Variants in STS observed in about 807,000 individuals in gnomAD.
STS encodes steryl-sulfatase.
In STS, 7 loss-of-function variants were observed where a neutral mutation model predicts 26.8. That is an observed-to-expected ratio of 0.26 (90% CI 0.15 to 0.49). The LOEUF (loss-of-function observed/expected upper bound fraction) is 0.49, where lower values mean the gene tolerates loss of function less well. Ranked by LOEUF, STS falls within the 20% of genes least tolerant of loss-of-function variation. The pLI is 0.98. For synonymous variants in STS, 199 were observed against 189.4 expected, an observed-to-expected ratio of 1.05 and a Z score of -0.42; for missense variants, 434 against 465.6, an observed-to-expected ratio of 0.93 and a Z score of 0.63.
chrX:7,345,998 C>T (rs1208991675), intron 10 of STS, among the ~76,000 whole-genome samples: 1 of 111,563 alleles, frequency 9.0e-6, no homozygotes, highest in Admixed American at 9.5e-5. Context: ...GAAATCACAA[C>T]GTCTCTTCTG....
rs373994313 is a variant in STS, at chrX:7,334,130, G to A, written c.1363+23G>A. 19 of 1,208,881 alleles carry A rather than the reference G, an allele frequency of 1.6e-5. No homozygotes were observed. In the African/African-American group the frequency reaches 1.6e-4, roughly 10 times the overall value. Reference sequence around the variant, plus strand: ...ACAGTGAGTAAACAGACCTTTCCACGCTCCTCATGCTCCGTGCAACCTATG... The same window carrying A: ...ACAGTGAGTAAACAGACCTTTCCACACTCCTCATGCTCCGTGCAACCTATG... On this transcript the variant is annotated intron_variant, in intron 10 of 10. Transcript: ENST00000674429.
At chrX:7,246,247 A>C (rs1922865123) in intron 2 of STS, among the ~76,000 whole-genome samples, 1 of 110,501 alleles carries the variant, frequency 9.0e-6, no homozygotes, top group East Asian at 2.9e-4. Flanking sequence ...TTAAGGAGTT[A>C]AGATTTGGGA....
At chrX:7,222,802 C>T (rs1860660293) in intron 2 of STS, among the ~76,000 whole-genome samples, 1 of 111,178 alleles carries the variant, frequency 9.0e-6, no homozygotes. Context: ...AATTTTGTTA[C>T]AGGGATATAT....
chrX:7,238,646 T>C (rs1922443280), intron 2 of STS, among the ~76,000 whole-genome samples: 1 of 110,785 alleles, frequency 9.0e-6, no homozygotes, highest in Non-Finnish European at 1.9e-5. Flanking sequence ...CTGGACTACA[T>C]AGCGAGAACC....
In STS at chrX:7,190,860, TC is replaced by T; in HGVS notation, c.-133-19del. The T allele has an allele frequency of 2.5e-5, 5 of 196,328 alleles. No individual in the cohort carries two copies. The highest frequency in any genetic ancestry group is 3.9e-5 in the Non-Finnish European group (5 of 129,194). 16.2% of individuals were successfully genotyped at this position (196,328 alleles called of 1,213,427 possible). On this transcript the variant is annotated intron_variant, in intron 1 of 10. Transcript: ENST00000674429. ...TGATTACCCAGCGTGTGATTATTCATCTTTTGAATGAATTCACAGGAAGAGC... is the reference window on the plus strand; with the variant it reads ...TGATTACCCAGCGTGTGATTATTCATTTTTGAATGAATTCACAGGAAGAGC...
chrX:7,350,209 G>A lies in STS; in HGVS notation c.1685G>A (p.Gly562Asp). ...PWLQLCCPST[G>D]LSCQCDREKQ... ...CTTCAGCTGTGCTGTCCTTCCACCG[G>A]CCTGTCTTGCCAGTGTGATAGAGAA... The change falls in exon 11 of 11, where the codon GGC becomes GAC. Residue 562 changes from glycine to aspartate, a missense_variant. Gly to Asp is a moderately conservative substitution (Grantham distance 94). Transcript: ENST00000674429. 5.0e-6 allele frequency: 6 copies of A among 1,211,382 alleles called. No homozygotes were observed. The highest frequency in any genetic ancestry group is 3.4e-6 in the Non-Finnish European group (3 of 895,261).
chrX:7,231,658 A>G (rs369815327), intron 2 of STS, among the ~76,000 whole-genome samples: 1 of 111,208 alleles, frequency 9.0e-6, no homozygotes, highest in Non-Finnish European at 1.9e-5. Context: ...ATTGCAAGTT[A>G]TCTCACTGCA....
intron 8 of STS, among the ~76,000 whole-genome samples, chrX:7,322,170 C>T (rs1189324017): frequency 8.9e-6 from 1 of 112,424 alleles, no homozygotes; most frequent in African/African-American, 3.2e-5. Flanking sequence ...AAGAATGGGG[C>T]CTTGCCTCCT....
In STS at chrX:7,148,085, T is replaced by A; in HGVS notation, c.-134+2T>A. On this transcript the variant is annotated splice_donor_variant, in intron 1 of 10. Transcript: ENST00000674429. LOFTEE classifies it low-confidence loss of function (5UTR_SPLICE). The stretch of plus-strand genomic sequence containing the variant: ...AAGTCCGTCCATGTCAAAGATGAGG[T>A]GGGTGACGGGCTGCGGGGGCGCCGC... The A allele has an allele frequency of 1.8e-6, 2 of 1,128,000 alleles. No homozygotes were observed. Among genetic ancestry groups the A allele is most frequent in the Non-Finnish European group, 2.3e-6 (2 of 852,159 alleles). The allele number at this position is 1,128,000 out of a possible 1,213,427, so 93.0% of individuals were successfully genotyped here. A position where few individuals can be genotyped will look rare whatever the true frequency, so the allele number is the denominator to read the frequency against.
At chrX:7,251,933 C>G (rs1009024850) in intron 2 of STS, among the ~76,000 whole-genome samples, 1 of 110,984 alleles carries the variant, frequency 9.0e-6, no homozygotes, top group Non-Finnish European at 1.9e-5. Context: ...TGCACTCTAA[C>G]CTGGGCAACA....
intron 2 of STS, among the ~76,000 whole-genome samples, chrX:7,229,163 T>TA (rs1325168351): frequency 1.8e-5 from 2 of 112,522 alleles, no homozygotes; most frequent in Non-Finnish European, 3.8e-5. Context: ...ACATTGATTA[T>TA]AAAAAATAGT....
At chrX:7,175,164 T>G (rs1933542867) in intron 1 of STS, among the ~76,000 whole-genome samples, 1 of 73,821 alleles carries the variant, frequency 1.4e-5, no homozygotes, top group Non-Finnish European at 2.4e-5. Context: ...CTTTTTCACA[T>G]AGAATCTGAG....
Position 7,281,604 on chromosome X carries a change from G to A in STS, c.943+5517G>A, listed in dbSNP as rs753184835. On this transcript the variant is annotated intron_variant, in intron 7 of 10. Transcript: ENST00000674429. ...GCAGCAAGGGCCATGCACCCAACTCGTCTTGAGGGATGGAGAATAAATTGG... is the reference window on the plus strand; with the variant it reads ...GCAGCAAGGGCCATGCACCCAACTCATCTTGAGGGATGGAGAATAAATTGG... 7.1e-5 allele frequency among the ~76,000 whole-genome samples: 8 copies of A among 111,984 alleles called. No individual in the cohort carries two copies. In the East Asian group the frequency reaches 8.4e-4, roughly 12 times the overall value.
chrX:7,238,121 GGTGTGTGTGTGT>G (rs55819541), intron 2 of STS, among the ~76,000 whole-genome samples: 11 of 88,522 alleles, frequency 1.2e-4, no homozygotes, highest in East Asian at 3.8e-4. Flanking sequence ...AGTATTCCAT[GGTGTGTGTGTGT>G]GTGTGTGTGT....
rs371806193 is a variant in STS at position 7,325,394 on chromosome X, G to T, written c.1137G>T (p.Trp379Cys). ...TCCGGGTTCCAGGCATCCTTCGTTGGCCCAGGGTGATACAGGCTGGCCAGA... is the reference window on the plus strand; with the variant it reads ...TCCGGGTTCCAGGCATCCTTCGTTGTCCCAGGGTGATACAGGCTGGCCAGA... ...GGIRVPGILR[W>C]PRVIQAGQKI... The change falls in exon 9 of 11, where the codon TGG (tryptophan) becomes TGT (cysteine). Residue 379 changes from tryptophan to cysteine, a missense_variant. Around this residue, in one of 2 missense-constraint regions of STS, gnomAD observed 205 missense variants for 177.3 expected, o/e 1.16. Transcript: ENST00000674429. 6 of 1,211,232 alleles carry T rather than the reference G, an allele frequency of 5.0e-6. No homozygotes were observed. The highest frequency in any genetic ancestry group is 1.8e-5 in the South Asian group (1 of 56,960).
intron 8 of STS, among the ~76,000 whole-genome samples, chrX:7,324,368 G>A (rs559311878): frequency 1.3e-4 from 14 of 111,087 alleles, no homozygotes; most frequent in African/African-American, 2.3e-4. Flanking sequence ...CAGATTGTAC[G>A]TGTTTCTTAT....
At chrX:7,189,507 A>G (rs987340525) in intron 1 of STS, among the ~76,000 whole-genome samples, 3 of 112,418 alleles carry the variant, frequency 2.7e-5, no homozygotes, top group Admixed American at 9.5e-5. Flanking sequence ...GTTCTGATAC[A>G]CTTTGTATTA....
At chrX:7,246,301 G>T in intron 2 of STS, among the ~76,000 whole-genome samples, 1 of 103,070 alleles carries the variant, frequency 9.7e-6, no homozygotes, top group African/African-American at 3.6e-5. Flanking sequence ...TCGCTCTGTC[G>T]CTCAGGCTGG....
chrX:7,287,337 G>A (rs1378573048), intron 7 of STS, among the ~76,000 whole-genome samples: 1 of 111,525 alleles, frequency 9.0e-6, no homozygotes, highest in Non-Finnish European at 1.9e-5. Context: ...GTAATCCGCA[G>A]TATGCAAAAC....
Sources: allele counts gnomAD v4.1 joint callset (sites outside exome capture counted in the v4.1 genomes callset), GRCh38; gene constraint gnomAD v4.1.1; regional missense constraint gnomAD v4.1.1; transcripts MANE v1.5; gene names NCBI Gene and HGNC (gene_info 2026-07-23, HGNC 2026-07-21).